The following FAM81B variants were observed in gnomAD, a reference collection of about 807,000 sequenced individuals.
FAM81B encodes the protein protein FAM81B.
A neutral mutation model predicts 58.7 loss-of-function variants in FAM81B; 60 were observed. The ratio of observed to expected loss-of-function variants is 1.02; its 90% CI spans 0.83 to 1.27. The LOEUF (loss-of-function observed/expected upper bound fraction) is 1.27, where lower values mean the gene tolerates loss of function less well. Ranked by LOEUF, FAM81B falls within the 50% of genes most tolerant of loss-of-function variation. FAM81B has a pLI of 0.00. For missense variants in FAM81B, 491 were observed against 522.0 expected (o/e 0.94, Z 0.58); for synonymous variants, 189 against 179.6 (o/e 1.05, Z -0.42).
intron 3 of FAM81B, among the ~76,000 whole-genome samples, chr5:95,412,815 G>A (rs1359363257): frequency 6.6e-6 from 1 of 152,176 alleles, no homozygotes; most frequent in Non-Finnish European, 1.5e-5. Flanking sequence ...TCCAACTGGG[G>A]CATGATGGCA....
intron 6 of FAM81B, among the ~76,000 whole-genome samples, chr5:95,430,034 A>G (rs73778838): frequency 0.16 from 24,581 of 152,098 alleles, 3,097 homozygotes; most frequent in African/African-American, 0.35. Context: ...ACATTTCCCA[A>G]TACTGAAACA....
rs768872316 is a variant in FAM81B at position 95,392,879 on chromosome 5, C to A, written c.210C>A (p.Asp70Glu). Reference sequence around the variant, plus strand: ...CTGATGGCCCCCTTCCTGGCTCAGACAATAACCAAGAAAAGAAAGCAAGTA... The same window carrying A: ...CTGATGGCCCCCTTCCTGGCTCAGAAAATAACCAAGAAAAGAAAGCAAGTA... ...VEPDGPLPGS[D>E]NNQEKKVRLS... Residue 70 changes from aspartate (D) to glutamate (E), a missense_variant, in exon 2 of 10, where the codon GAC becomes GAA. Coordinates refer to ENST00000283357, the MANE Select transcript of FAM81B (RefSeq NM_152548.3). The A allele has an allele frequency of 3.7e-6, 6 of 1,608,250 alleles. No individual in the cohort carries two copies. Among genetic ancestry groups the A allele is most frequent in the Non-Finnish European group, 4.2e-6 (5 of 1,178,088 alleles).
chr5:95,416,622 G>A (rs970315263), intron 4 of FAM81B, among the ~76,000 whole-genome samples: 3 of 152,124 alleles, frequency 2.0e-5, no homozygotes, highest in African/African-American at 7.2e-5. Flanking sequence ...CAAATACCCA[G>A]ATGAATCTCC....
At chr5:95,428,793 C>A in intron 6 of FAM81B, 61 bp downstream of exon 6, 1 of 1,600,734 alleles carries the variant, frequency 6.2e-7, no homozygotes, top group Non-Finnish European at 8.5e-7. Flanking sequence ...ATCATTATAG[C>A]TTATCAAAAT....
intron 2 of FAM81B, among the ~76,000 whole-genome samples, chr5:95,395,891 AC>A (rs1393972319): frequency 6.6e-6 from 1 of 152,198 alleles, no homozygotes; most frequent in Non-Finnish European, 1.5e-5. Context: ...TGACTGTGAT[AC>A]CAAATCTATG....
At chr5:95,405,644 C>G (rs1362638805) in intron 3 of FAM81B, among the ~76,000 whole-genome samples, 2 of 152,124 alleles carry the variant, frequency 1.3e-5, no homozygotes, top group Non-Finnish European at 2.9e-5. Context: ...AAAGGCTGTG[C>G]TCCTCAAAAG....
intron 7 of FAM81B, among the ~76,000 whole-genome samples, chr5:95,444,075 C>A (rs1050087556): frequency 2.0e-5 from 3 of 152,176 alleles, no homozygotes; most frequent in African/African-American, 7.2e-5. Flanking sequence ...ATACTTCCAC[C>A]AGAGACAGGG....
intron 5 of FAM81B, chr5:95,424,037 T>C (rs1762759033): frequency 7.8e-7 from 1 of 1,289,384 alleles, no homozygotes; most frequent in African/African-American, 1.5e-5. Flanking sequence ...TCTTTATCAT[T>C]TCTATCATCT....
intron 3 of FAM81B, among the ~76,000 whole-genome samples, chr5:95,413,503 T>C (rs1290617130): frequency 6.6e-6 from 1 of 152,200 alleles, no homozygotes; most frequent in Non-Finnish European, 1.5e-5. Context: ...TGCAAGGTTT[T>C]CTAAGTGTAT....
chr5:95,427,975 C>A (rs1319379964), intron 5 of FAM81B, among the ~76,000 whole-genome samples: 1 of 152,184 alleles, frequency 6.6e-6, no homozygotes, highest in Admixed American at 6.5e-5. Flanking sequence ...TTATCACATG[C>A]AACTTTATGG....
rs770402681 is a variant in FAM81B at position 95,396,185 on chromosome 5, T to C, written c.293+10T>C. The C allele has an allele frequency of 4.4e-6, 7 of 1,584,358 alleles. No homozygotes were observed. The Admixed American group carries it at 5.7e-5, about 13-fold the overall frequency. Reference sequence around the variant, plus strand: ...TTGAATATGTTGACAAGTAAGTGTGTAAATTACAACTAGTTTTAACTATTA... The same window carrying C: ...TTGAATATGTTGACAAGTAAGTGTGCAAATTACAACTAGTTTTAACTATTA... On this transcript the variant is annotated intron_variant, in intron 3 of 9. Transcript: ENST00000283357.
chr5:95,402,778 C>T (rs937866438), intron 3 of FAM81B, among the ~76,000 whole-genome samples: 1 of 152,200 alleles, frequency 6.6e-6, no homozygotes, highest in Non-Finnish European at 1.5e-5. Context: ...GGCCCTGGGA[C>T]CCTCTTAACC....
intron 4 of FAM81B, 126 bp from the exon 5 acceptor site, chr5:95,420,156 ACT>A (rs1762639699): frequency 1.9e-6 from 2 of 1,054,390 alleles, no homozygotes; most frequent in Admixed American, 4.2e-5. Context: ...CTGAGATAGG[ACT>A]CTCTCACTCA....
intron 7 of FAM81B, among the ~76,000 whole-genome samples, chr5:95,437,284 C>A (rs1745142645): frequency 6.6e-6 from 1 of 152,056 alleles, no homozygotes; most frequent in Non-Finnish European, 1.5e-5. Flanking sequence ...GATACACAAG[C>A]TTTTCCTTTA....
At chr5:95,436,649 C>G (rs1399544602) in intron 6 of FAM81B, 151 bp from the exon 7 acceptor site, 1 of 655,822 alleles carries the variant, frequency 1.5e-6, no homozygotes, top group Non-Finnish European at 2.7e-6. Context: ...TTTTCAAGTG[C>G]AATCATGCTT....
chr5:95,423,930 C>A (rs1173741704), intron 5 of FAM81B: 3 of 1,034,282 alleles, frequency 2.9e-6, no homozygotes, highest in Non-Finnish European at 3.9e-6. Flanking sequence ...TACTTAGAGG[C>A]TCGGGTGGGT....
At chr5:95,403,710 G>A (rs554110587) in intron 3 of FAM81B, among the ~76,000 whole-genome samples, 3 of 152,238 alleles carry the variant, frequency 2.0e-5, no homozygotes, top group South Asian at 4.2e-4. Context: ...TGCACAGACA[G>A]GACAACATTC....
chr5:95,406,869 C>T (rs1160618829), intron 3 of FAM81B, among the ~76,000 whole-genome samples: 1 of 152,122 alleles, frequency 6.6e-6, no homozygotes, highest in Non-Finnish European at 1.5e-5. Flanking sequence ...CACTTTGTCT[C>T]ACATGAGCTG....
chr5:95,430,770 G>A (rs1744848246), intron 6 of FAM81B, among the ~76,000 whole-genome samples: 1 of 151,996 alleles, frequency 6.6e-6, no homozygotes, highest in South Asian at 2.1e-4. Flanking sequence ...GAAAGATCTT[G>A]CCAAATTGCT....
Sources: gnomAD v4.1 joint callset for allele counts (sites outside exome capture counted in the v4.1 genomes callset) on GRCh38, gnomAD v4.1.1 for gene constraint, MANE v1.5 for transcripts, NCBI Gene and HGNC (gene_info 2026-07-23, HGNC 2026-07-21) for gene names.